The following DLG2 variants were observed in gnomAD, a reference collection of about 807,000 sequenced individuals.
DLG2 encodes the protein discs large MAGUK scaffold protein 2, also known as disks large homolog 2.
DLG2 carries 45 observed loss-of-function variants against 132.5 expected under a neutral mutation model. That is an observed-to-expected ratio of 0.34 (90% confidence interval 0.27 to 0.44). The LOEUF (loss-of-function observed/expected upper bound fraction) is 0.44, where lower values mean the gene tolerates loss of function less well. Among genes scored for constraint, DLG2 ranks in the 20% least tolerant of loss-of-function variants. The pLI, the probability that DLG2 is intolerant of heterozygous loss-of-function variation, is 1.00. For synonymous variants in DLG2, 424 were observed against 419.6 expected (o/e 1.01, Z -0.13); for missense variants, 1,045 against 1,196.9 (o/e 0.87, Z 1.87).
intron 6 of DLG2, among the ~76,000 whole-genome samples, chr11:84,594,508 T>C (rs561555829): frequency 1.6e-4 from 24 of 152,124 alleles, no homozygotes; most frequent in Admixed American, 7.2e-4. Flanking sequence ...AAGAAGAATA[T>C]GAAAGACAGA....
chr11:84,665,265 G>A (rs1175306373), intron 6 of DLG2, among the ~76,000 whole-genome samples: 2 of 152,094 alleles, frequency 1.3e-5, no homozygotes, highest in African/African-American at 4.8e-5. Flanking sequence ...GTCACACACT[G>A]TCTTAAGTGC....
chr11:84,851,644 T>G (rs1036656943), intron 6 of DLG2, among the ~76,000 whole-genome samples: 2 of 152,028 alleles, frequency 1.3e-5, no homozygotes, highest in Non-Finnish European at 2.9e-5. Flanking sequence ...TTTGGGGAGT[T>G]GATGGAGGGT....
intron 17 of DLG2, among the ~76,000 whole-genome samples, chr11:83,788,467 C>T (rs1057249953): frequency 2.6e-5 from 4 of 152,176 alleles, no homozygotes; most frequent in African/African-American, 9.7e-5. Context: ...TCTCCTCCCT[C>T]GGAGGGAAGA....
At chr11:85,371,598 G>T (rs1015310768) in intron 3 of DLG2, among the ~76,000 whole-genome samples, 4 of 152,200 alleles carry the variant, frequency 2.6e-5, no homozygotes, top group African/African-American at 9.6e-5. Flanking sequence ...TTGACTTGCA[G>T]AGCCAATAAA....
In DLG2 at chr11:85,124,484, A is replaced by G. The variant is rs2074825429; in HGVS notation, c.283-12749T>C. On this transcript the variant is annotated intron_variant, in intron 5 of 27. Coordinates refer to ENST00000376104, the MANE Select transcript of DLG2 (RefSeq NM_001142699.3). Reference sequence around the variant, plus strand: ...TTCTGTACAATAATCCTGTTCAGGAACTACTGATAAGCCAGTATTATTACC... The same window carrying G: ...TTCTGTACAATAATCCTGTTCAGGAGCTACTGATAAGCCAGTATTATTACC... Among the ~76,000 whole-genome samples, 4 of 152,240 alleles carry G rather than the reference A, an allele frequency of 2.6e-5. No individual in the cohort carries two copies. The South Asian group carries it at 8.3e-4, about 31-fold the overall frequency.
At chr11:83,656,900 C>A (rs1235450423) in intron 18 of DLG2, among the ~76,000 whole-genome samples, 1 of 152,178 alleles carries the variant, frequency 6.6e-6, no homozygotes, top group Non-Finnish European at 1.5e-5. Flanking sequence ...CCTCCACCCC[C>A]ACCAAGAGGT....
intron 7 of DLG2, among the ~76,000 whole-genome samples, chr11:84,253,052 G>A (rs1164436009): frequency 2.0e-5 from 3 of 151,998 alleles, no homozygotes; most frequent in Admixed American, 6.6e-5. Flanking sequence ...CATAACCTTG[G>A]CATACATATG....
At chr11:83,594,136 G>A (rs1594089145) in intron 19 of DLG2, among the ~76,000 whole-genome samples, 1 of 152,214 alleles carries the variant, frequency 6.6e-6, no homozygotes, top group East Asian at 1.9e-4. Flanking sequence ...CCTTTAGGCA[G>A]GGCCCTGTGG....
chr11:84,066,390 G>T (rs768205308), intron 10 of DLG2, among the ~76,000 whole-genome samples: 1 of 152,222 alleles, frequency 6.6e-6, no homozygotes, highest in Admixed American at 6.5e-5. Flanking sequence ...GGAAGCCTTG[G>T]TTAAAGATTC....
intron 19 of DLG2, among the ~76,000 whole-genome samples, chr11:83,604,484 G>A (rs2059030763): frequency 6.6e-6 from 1 of 152,124 alleles, no homozygotes; most frequent in Admixed American, 6.5e-5. Context: ...TGAAACAAGT[G>A]TTTCTGGGAG....
intron 19 of DLG2, among the ~76,000 whole-genome samples, chr11:83,545,651 G>A (rs145783734): frequency 3.3e-5 from 5 of 152,136 alleles, no homozygotes; most frequent in South Asian, 2.1e-4. Context: ...ACATTCACTC[G>A]CCTGTGTTCT....
intron 7 of DLG2, among the ~76,000 whole-genome samples, chr11:84,265,693 G>C (rs1567118507): frequency 6.6e-6 from 1 of 151,828 alleles, no homozygotes. Flanking sequence ...AAGGAAGATA[G>C]GTAGTAGTAG....
At chr11:85,032,888 C>T (rs1336390053) in intron 6 of DLG2, among the ~76,000 whole-genome samples, 1 of 152,196 alleles carries the variant, frequency 6.6e-6, no homozygotes, top group Non-Finnish European at 1.5e-5. Flanking sequence ...AAAGCCTACT[C>T]TTGTTCAAAC....
At chr11:85,325,430 C>G (rs1305372498) in intron 3 of DLG2, among the ~76,000 whole-genome samples, 5 of 143,608 alleles carry the variant, frequency 3.5e-5, no homozygotes, top group Non-Finnish European at 7.7e-5. Context: ...GATCTGAGAA[C>G]GGGCAGACTG....
intron 4 of DLG2, among the ~76,000 whole-genome samples, chr11:85,276,398 A>C (rs146991523): frequency 3.3e-5 from 5 of 152,256 alleles, no homozygotes; most frequent in Non-Finnish European, 5.9e-5. Flanking sequence ...TCAAATCTGA[A>C]ATAGGAAAGA....
intron 8 of DLG2, among the ~76,000 whole-genome samples, chr11:84,244,556 T>C (rs2097277375): frequency 6.6e-6 from 1 of 152,214 alleles, no homozygotes; most frequent in African/African-American, 2.4e-5. Flanking sequence ...GAATTTAGAT[T>C]GGCTAGGTTT....
At chr11:85,122,240 G>A (rs916156144) in intron 5 of DLG2, among the ~76,000 whole-genome samples, 46 of 152,186 alleles carry the variant, frequency 3.0e-4, no homozygotes, top group African/African-American at 1.1e-3. Flanking sequence ...CAGACAATGT[G>A]CGGAGAACAT....
intron 19 of DLG2, among the ~76,000 whole-genome samples, chr11:83,580,105 T>G (rs901092788): frequency 6.6e-6 from 1 of 152,188 alleles, no homozygotes; most frequent in African/African-American, 2.4e-5. Flanking sequence ...TTAATTTTAA[T>G]GGTATCATTC....
At chr11:84,596,913 T>C (rs1174592671) in intron 6 of DLG2, among the ~76,000 whole-genome samples, 1 of 152,126 alleles carries the variant, frequency 6.6e-6, no homozygotes, top group Non-Finnish European at 1.5e-5. Context: ...GATTCAGCAA[T>C]GATAATGACA....
Sources: gnomAD v4.1 joint callset for allele counts (sites outside exome capture counted in the v4.1 genomes callset) on GRCh38, gnomAD v4.1.1 for gene constraint, MANE v1.5 for transcripts, NCBI Gene and HGNC (gene_info 2026-07-23, HGNC 2026-07-21) for gene names.